Variants in AKAP19 observed in about 807,000 individuals in gnomAD.
AKAP19 encodes the protein small A-kinase anchoring protein.
At chr2:190,110,637 C>G in the AKAP19 span, among the ~76,000 whole-genome samples, 2 of 152,082 alleles carry the variant, frequency 1.3e-5, no homozygotes, top group Admixed American at 1.3e-4. Context: ...CATTTATTTC[C>G]TACTCTTACA....
the AKAP19 span, among the ~76,000 whole-genome samples, chr2:189,908,605 T>C: frequency 6.6e-6 from 1 of 152,224 alleles, no homozygotes; most frequent in Non-Finnish European, 1.5e-5. Flanking sequence ...TTTTGATTTC[T>C]TTGACTCATT....
chr2:190,071,485 C>G, the AKAP19 span, among the ~76,000 whole-genome samples: 2 of 152,068 alleles, frequency 1.3e-5, no homozygotes, highest in Non-Finnish European at 1.5e-5. Flanking sequence ...AGCCAAGGAG[C>G]AATAGGCTAT....
chr2:189,928,566 A>G, the AKAP19 span, among the ~76,000 whole-genome samples: 1 of 152,164 alleles, frequency 6.6e-6, no homozygotes, highest in African/African-American at 2.4e-5. Context: ...AATTTAAGCA[A>G]GATACATGTA....
the AKAP19 span, among the ~76,000 whole-genome samples, chr2:190,126,324 AG>A: frequency 3.1e-3 from 427 of 139,130 alleles, 5 homozygotes; most frequent in Non-Finnish European, 4.8e-3. Flanking sequence ...AAAAAAAAAA[AG>A]GTGTATATTT....
chr2:190,163,586 C>T, the AKAP19 span, among the ~76,000 whole-genome samples: 1 of 152,112 alleles, frequency 6.6e-6, no homozygotes, highest in Non-Finnish European at 1.5e-5. Flanking sequence ...ATCTTGAGTT[C>T]CCACTAATTA....
At chr2:190,175,501 T>C in the AKAP19 span, among the ~76,000 whole-genome samples, 3 of 152,212 alleles carry the variant, frequency 2.0e-5, no homozygotes, top group Non-Finnish European at 4.4e-5. Context: ...TTTGGAACTA[T>C]TCCCTAGTTT....
At chr2:189,975,601 A>G in the AKAP19 span, among the ~76,000 whole-genome samples, 2 of 152,098 alleles carry the variant, frequency 1.3e-5, no homozygotes, top group African/African-American at 4.8e-5. Context: ...CATCCTCCCC[A>G]TCACTTTCAG....
At chr2:190,203,227 A>C in the AKAP19 span, 1 of 167,220 alleles carries the variant, frequency 6.0e-6, no homozygotes, top group East Asian at 1.9e-4. Context: ...ATTTAAAAAC[A>C]AAGTTCTAAC....
the AKAP19 span, among the ~76,000 whole-genome samples, chr2:189,997,801 C>T: frequency 6.6e-6 from 1 of 152,180 alleles, no homozygotes; most frequent in Admixed American, 6.5e-5. Flanking sequence ...GTTTGCCCCG[C>T]TAAATTCTGC....
the AKAP19 span, among the ~76,000 whole-genome samples, chr2:190,195,845 T>C: frequency 0.063 from 9,522 of 152,168 alleles, 728 homozygotes; most frequent in African/African-American, 0.18. Context: ...GTTATCTGGA[T>C]TGTCTCCTAT....
the AKAP19 span, among the ~76,000 whole-genome samples, chr2:189,912,816 C>T: frequency 1.3e-4 from 20 of 151,964 alleles, no homozygotes; most frequent in East Asian, 1.5e-3. Flanking sequence ...ATTCTTTTGA[C>T]GTGAAAAGTT....
chr2:190,092,175 T>C, the AKAP19 span, among the ~76,000 whole-genome samples: 3 of 152,188 alleles, frequency 2.0e-5, no homozygotes, highest in Non-Finnish European at 4.4e-5. Flanking sequence ...TTTGTAAATA[T>C]GTGTGTGGAG....
At chr2:190,062,368 TAAC>T in the AKAP19 span, 2 of 1,613,442 alleles carry the variant, frequency 1.2e-6, no homozygotes, top group Non-Finnish European at 1.7e-6. Flanking sequence ...AGTTGTCTTA[TAAC>T]ATCTTTGCTG....
At chr2:190,119,161 T>G in the AKAP19 span, among the ~76,000 whole-genome samples, 3 of 152,264 alleles carry the variant, frequency 2.0e-5, no homozygotes, top group South Asian at 6.2e-4. Flanking sequence ...TTCATGCCAG[T>G]TTAGATAAAA....
the AKAP19 span, among the ~76,000 whole-genome samples, chr2:190,040,005 G>A: frequency 0.1 from 15,353 of 152,148 alleles, 2,083 homozygotes; most frequent in African/African-American, 0.31. Context: ...TATCTTTATG[G>A]TAGAATGGTT....
chr2:189,974,681 A>T, the AKAP19 span, among the ~76,000 whole-genome samples: 1 of 152,208 alleles, frequency 6.6e-6, no homozygotes, highest in Non-Finnish European at 1.5e-5. Flanking sequence ...TATTGGGTGC[A>T]TGCATATTTA....
chr2:190,075,167 G>A, the AKAP19 span, among the ~76,000 whole-genome samples: 1 of 152,122 alleles, frequency 6.6e-6, no homozygotes, highest in Non-Finnish European at 1.5e-5. Flanking sequence ...TTATTTAGAA[G>A]TATGATTAAT....
chr2:190,200,201 G>C, the AKAP19 span: 1 of 1,488,876 alleles, frequency 6.7e-7, no homozygotes, highest in South Asian at 1.2e-5. Flanking sequence ...GAATAAATGT[G>C]ACAAAAGCAA....
the AKAP19 span, among the ~76,000 whole-genome samples, chr2:190,194,019 G>GTGAT: frequency 2.5e-4 from 38 of 152,060 alleles, no homozygotes; most frequent in African/African-American, 8.7e-4. Flanking sequence ...AATTTCTCCT[G>GTGAT]TGATTTTCTT....
Sources: allele counts gnomAD v4.1 joint callset (sites outside exome capture counted in the v4.1 genomes callset), GRCh38; gene constraint gnomAD v4.1.1; transcripts MANE v1.5; gene names NCBI Gene and HGNC (gene_info 2026-07-23, HGNC 2026-07-21).